The following XRCC4 variants were observed in gnomAD, a reference collection of about 807,000 sequenced individuals.
XRCC4 encodes the protein DNA repair protein XRCC4.
A neutral mutation model predicts 39.1 loss-of-function variants in XRCC4; 28 were observed. That is an observed-to-expected ratio of 0.72 (90% confidence interval 0.53 to 0.98). XRCC4 has a LOEUF of 0.98. Ranked by LOEUF, XRCC4 falls within the 50% of genes least tolerant of loss-of-function variation. The pLI is 0.00. For synonymous variants in XRCC4, 123 were observed against 126.4 expected (o/e 0.97, Z 0.18); for missense variants, 350 against 376.4 (o/e 0.93, Z 0.58).
chr5:83,191,693 G>C (rs866501339), intron 3 of XRCC4, among the ~76,000 whole-genome samples: 21 of 152,152 alleles, frequency 1.4e-4, no homozygotes, highest in Middle Eastern at 3.4e-3. Flanking sequence ...GAGTGAGACT[G>C]TCTAAAAAAA....
intron 6 of XRCC4, among the ~76,000 whole-genome samples, chr5:83,255,201 GAGA>G (rs1399429629): frequency 6.6e-6 from 1 of 152,130 alleles, no homozygotes; most frequent in Non-Finnish European, 1.5e-5. Context: ...AGGGTGGAGA[GAGA>G]AGGATAGAAT....
chr5:83,092,553 A>G (rs1261763449), intron 1 of XRCC4, among the ~76,000 whole-genome samples: 1 of 152,152 alleles, frequency 6.6e-6, no homozygotes, highest in Non-Finnish European at 1.5e-5. Flanking sequence ...ACAGGGTTAA[A>G]GGACAAAATT....
chr5:83,141,371 A>C (rs1561357796), intron 3 of XRCC4, among the ~76,000 whole-genome samples: 1 of 152,156 alleles, frequency 6.6e-6, no homozygotes, highest in Non-Finnish European at 1.5e-5. Flanking sequence ...GTTTTCTTAG[A>C]TGTTGCCAAA....
chr5:83,325,219 CTACT>C (rs1259119625), intron 7 of XRCC4, among the ~76,000 whole-genome samples: 62 of 152,218 alleles, frequency 4.1e-4, no homozygotes, highest in African/African-American at 1.4e-3. Context: ...GATTCTCTTA[CTACT>C]TATAGGCAAT....
chr5:83,300,580 CTTT>C (rs70973390), intron 7 of XRCC4, among the ~76,000 whole-genome samples: 12 of 122,094 alleles, frequency 9.8e-5, no homozygotes, highest in African/African-American at 3.1e-4. Context: ...GTGTGTGTCC[CTTT>C]TTTTTTTTTT....
At chr5:83,205,069 T>TA (rs746087463) in intron 6 of XRCC4, 148 bp downstream of exon 6, 5 of 567,682 alleles carry the variant, frequency 8.8e-6, no homozygotes, top group African/African-American at 1.9e-5. Context: ...CTCAAATTTT[T>TA]AATGTTAAAA....
At chr5:83,220,362 T>C (rs1011002713) in intron 6 of XRCC4, among the ~76,000 whole-genome samples, 3 of 152,130 alleles carry the variant, frequency 2.0e-5, no homozygotes, top group Non-Finnish European at 2.9e-5. Flanking sequence ...CTTTCTGGGA[T>C]TGTGACTGGA....
intron 7 of XRCC4, among the ~76,000 whole-genome samples, chr5:83,271,564 A>G (rs1232620611): frequency 1.3e-5 from 2 of 152,106 alleles, no homozygotes; most frequent in African/African-American, 4.8e-5. Context: ...ATGAAACCCT[A>G]TTTTACCTGG....
rs529192827 is a variant in XRCC4, at chr5:83,141,578, A to C, written c.315+30375A>C. Reference sequence around the variant, plus strand: ...TGCGAGTGAATTTGAACACATTTTCATGTCTCTAAAGGTCATTTCTGTGTC... The same window carrying C: ...TGCGAGTGAATTTGAACACATTTTCCTGTCTCTAAAGGTCATTTCTGTGTC... On this transcript the variant is annotated intron_variant, in intron 3 of 7. Coordinates refer to ENST00000396027, the MANE Select transcript of XRCC4 (RefSeq NM_003401.5). Among the ~76,000 whole-genome samples, 34 of 152,118 alleles carry C rather than the reference A, an allele frequency of 2.2e-4. No individual in the cohort carries two copies. In the South Asian group the frequency reaches 2.9e-3, roughly 13 times the overall value.
the XRCC4 span, among the ~76,000 whole-genome samples, chr5:83,364,578 T>C: frequency 2.0e-5 from 3 of 152,264 alleles, no homozygotes; most frequent in African/African-American, 4.8e-5. Flanking sequence ...CATAGAATCA[T>C]TGAGAATGTC....
At chr5:83,344,529 C>A (rs1338217863) in intron 7 of XRCC4, among the ~76,000 whole-genome samples, 1 of 151,320 alleles carries the variant, frequency 6.6e-6, no homozygotes, top group East Asian at 2.0e-4. Context: ...CTCAGCCTCC[C>A]AAAGTGTTAG....
At chr5:83,334,592 G>A (rs1756534615) in intron 7 of XRCC4, among the ~76,000 whole-genome samples, 2 of 151,130 alleles carry the variant, frequency 1.3e-5, no homozygotes, top group Admixed American at 6.6e-5. Flanking sequence ...AATTATTAAG[G>A]GAAAAAATGG....
At chr5:83,152,632 C>CAAAAAAAA (rs59213558) in intron 3 of XRCC4, among the ~76,000 whole-genome samples, 1 of 112,342 alleles carries the variant, frequency 8.9e-6, no homozygotes, top group African/African-American at 3.0e-5. Context: ...GATCCTGTCT[C>CAAAAAAAA]AAAAAAAAAA....
intron 3 of XRCC4, among the ~76,000 whole-genome samples, chr5:83,153,366 G>C (rs1380948939): frequency 6.6e-6 from 1 of 151,986 alleles, no homozygotes; most frequent in African/African-American, 2.4e-5. Flanking sequence ...CCACCACAAT[G>C]CCCGGCTAAT....
the XRCC4 span, among the ~76,000 whole-genome samples, chr5:83,373,501 C>T: frequency 2.0e-5 from 3 of 152,126 alleles, no homozygotes; most frequent in Admixed American, 1.3e-4. Context: ...TGAATATAGT[C>T]GTGTTTTCCA....
At chr5:83,212,398 A>G (rs749023144) in intron 6 of XRCC4, among the ~76,000 whole-genome samples, 4 of 152,194 alleles carry the variant, frequency 2.6e-5, no homozygotes, top group Admixed American at 6.5e-5. Flanking sequence ...AGATCAATAG[A>G]GTGAATAATT....
intron 7 of XRCC4, among the ~76,000 whole-genome samples, chr5:83,261,224 G>C (rs1171495592): frequency 6.6e-6 from 1 of 151,832 alleles, no homozygotes; most frequent in Non-Finnish European, 1.5e-5. Flanking sequence ...CTCAGAGTAA[G>C]ACGTTCTCAA....
Position 83,350,648 on chromosome 5 carries a change from A to G in XRCC4, c.894-2483A>G, listed in dbSNP as rs535765905. Reference sequence around the variant, plus strand: ...TTTTGCTTGTTGATTTAAGTTCCATATAGATTCTGGATATTAGACTTTTGA... The same window carrying G: ...TTTTGCTTGTTGATTTAAGTTCCATGTAGATTCTGGATATTAGACTTTTGA... On this transcript the variant is annotated intron_variant, in intron 7 of 7. Coordinates refer to ENST00000396027, the MANE Select transcript of XRCC4 (RefSeq NM_003401.5). Among the ~76,000 whole-genome samples, 10 of 152,038 alleles carry G rather than the reference A, an allele frequency of 6.6e-5. No homozygotes were observed. In the East Asian group the frequency reaches 1.9e-3, roughly 29 times the overall value.
chr5:83,238,098 T>C (rs1303200940), intron 6 of XRCC4, among the ~76,000 whole-genome samples: 2 of 152,152 alleles, frequency 1.3e-5, no homozygotes, highest in Non-Finnish European at 2.9e-5. Flanking sequence ...TAAACCTCCC[T>C]GCTACAAATG....
Sources: allele counts gnomAD v4.1 joint callset (sites outside exome capture counted in the v4.1 genomes callset), GRCh38; gene constraint gnomAD v4.1.1; transcripts MANE v1.5; gene names NCBI Gene and HGNC (gene_info 2026-07-23, HGNC 2026-07-21).